Variants in SF3B1 observed in about 807,000 individuals in gnomAD.
The protein encoded by SF3B1 is splicing factor 3b subunit 1, also known as pre-mRNA processing 10.
Under a neutral mutation model 153.8 loss-of-function variants are expected in SF3B1, and 12 were observed. That is an observed-to-expected ratio of 0.08 (90% CI 0.05 to 0.13). The LOEUF (loss-of-function observed/expected upper bound fraction) is 0.13. Among genes scored for constraint, SF3B1 ranks in the 10% least tolerant of loss-of-function variants. The pLI is 1.00. For synonymous variants in SF3B1, 498 were observed against 525.2 expected, an observed-to-expected ratio of 0.95 and a Z score of 0.71; for missense variants, 513 against 1,606.1, an observed-to-expected ratio of 0.32 and a Z score of 11.63.
intron 9 of SF3B1, among the ~76,000 whole-genome samples, chr2:197,406,241 T>C (rs1574532565): frequency 1.3e-5 from 2 of 151,736 alleles, no homozygotes; most frequent in East Asian, 3.9e-4. Flanking sequence ...CCATCTCTAT[T>C]TTATATAATT....
chr2:197,410,102 G>A, intron 6 of SF3B1, 95 bp from the exon 7 acceptor site: 1 of 778,234 alleles, frequency 1.3e-6, no homozygotes, highest in Non-Finnish European at 2.1e-6. Flanking sequence ...AAATGTTTTA[G>A]TTCTATGCAC....
intron 8 of SF3B1, 56 bp downstream of exon 8, chr2:197,408,313 A>T: frequency 6.5e-7 from 1 of 1,540,716 alleles, no homozygotes; most frequent in East Asian, 2.2e-5. Context: ...CCACAAAGGA[A>T]AAAATTAAAT....
intron 22 of SF3B1, among the ~76,000 whole-genome samples, chr2:197,397,732 G>A (rs2084892796): frequency 6.6e-6 from 1 of 152,116 alleles, no homozygotes. Context: ...GGGAGGCGGT[G>A]GTTGCAGTGA....
At chr2:197,416,370 G>C (rs1020738001) in intron 6 of SF3B1, among the ~76,000 whole-genome samples, 2 of 152,118 alleles carry the variant, frequency 1.3e-5, no homozygotes, top group Non-Finnish European at 2.9e-5. Context: ...GTATGTTGAA[G>C]TCCTAACCCC....
At chr2:197,422,795 CAGG>C (rs1330039724) in intron 2 of SF3B1, among the ~76,000 whole-genome samples, 1 of 151,320 alleles carries the variant, frequency 6.6e-6, no homozygotes, top group Non-Finnish European at 1.5e-5. Context: ...GAGGCTGAGG[CAGG>C]AGAATGCTAT....
In SF3B1 at chr2:197,398,601, A is replaced by G. The variant is rs577587078; in HGVS notation, c.3014-20T>C. 2.1e-5 allele frequency: 33 copies of G among 1,607,422 alleles called. No individual in the cohort carries two copies. In the East Asian group the frequency reaches 6.7e-4, roughly 33 times the overall value. ...GCATACCTATTTAATAGAAGTCAAT[A>G]AACTATCAACATTTGAATTGCAACT... On this transcript the variant is annotated intron_variant, in intron 20 of 24. Transcript: ENST00000335508.
intron 22 of SF3B1, among the ~76,000 whole-genome samples, chr2:197,396,726 G>A (rs977722846): frequency 7.2e-5 from 11 of 152,138 alleles, no homozygotes; most frequent in Admixed American, 2.0e-4. Flanking sequence ...GGGAATATCC[G>A]AATTGTAGTC....
intron 1 of SF3B1, among the ~76,000 whole-genome samples, chr2:197,424,528 C>A (rs1368475040): frequency 6.6e-6 from 1 of 150,616 alleles, no homozygotes; most frequent in African/African-American, 2.4e-5. Context: ...AAAATATCAT[C>A]TAACAAACAT....
At chr2:197,414,979 T>C (rs976096744) in intron 6 of SF3B1, among the ~76,000 whole-genome samples, 1 of 151,832 alleles carries the variant, frequency 6.6e-6, no homozygotes, top group Admixed American at 6.6e-5. Context: ...ACTCCAACCT[T>C]GGCAACAGAA....
At position 197,390,589 on chromosome 2, in the gene SF3B1, C is replaced by G. The variant is rs957559358; in HGVS notation, c.*1714G>C. 2.7e-5 allele frequency: 4 copies of G among 150,340 alleles called. No individual in the cohort carries two copies. Among genetic ancestry groups the G allele is most frequent in the African/African-American group, 9.8e-5 (4 of 40,712 alleles). 9.3% of individuals were successfully genotyped at this position (150,340 alleles called of 1,614,324 possible). ...CCAACTTGGAAACCCTTAATGCTCA[C>G]TATCAATTTGTTGAAAGTCAATTTT... On this transcript the variant is annotated 3_prime_UTR_variant, in exon 25 of 25. Transcript: ENST00000335508.
At chr2:197,424,947 G>A (rs942897498) in intron 1 of SF3B1, among the ~76,000 whole-genome samples, 8 of 152,074 alleles carry the variant, frequency 5.3e-5, no homozygotes, top group African/African-American at 1.9e-4. Flanking sequence ...ATCACCTGAA[G>A]TCAGGCATTC....
chr2:197,398,268 A>G (rs567961936), intron 21 of SF3B1, 152 bp from the exon 22 acceptor site: 11 of 849,546 alleles, frequency 1.3e-5, no homozygotes, highest in Admixed American at 2.5e-5. Context: ...TTAGTCTTAC[A>G]GGTTTAGTCC....
chr2:197,408,347 A>G (rs745524197), intron 8 of SF3B1, 22 bp downstream of exon 8: 1 of 1,603,890 alleles, frequency 6.2e-7, no homozygotes, highest in Non-Finnish European at 8.5e-7. Context: ...AAAAACAATT[A>G]TGTCCAATGA....
chr2:197,422,452 C>T (rs1033560199), intron 2 of SF3B1, among the ~76,000 whole-genome samples: 4 of 151,764 alleles, frequency 2.6e-5, no homozygotes, highest in African/African-American at 7.3e-5. Context: ...ATATACCTAA[C>T]GTAAATGACA....
chr2:197,416,533 G>T, intron 6 of SF3B1: 1 of 482,526 alleles, frequency 2.1e-6, no homozygotes, highest in Non-Finnish European at 3.7e-6. Flanking sequence ...GCCATGTGAG[G>T]ACACAGCAAG....
At position 197,402,636 on chromosome 2, in the gene SF3B1, T is replaced by G. The variant is rs374250186; in HGVS notation, c.1997A>C (p.Lys666Thr). 12 of 1,613,934 alleles carry G rather than the reference T, an allele frequency of 7.4e-6. No individual in the cohort carries two copies. Among genetic ancestry groups the G allele is most frequent in the East Asian group, 4.5e-5 (2 of 44,898 alleles). ...AAGAATAGCTATCTGTTGTACAATC[T>G]TAATACCAGTGTGTCTCGCTTGCCA... ...KSWQARHTGIKIVQQIAILMG... is the reference protein window; with the variant it reads ...KSWQARHTGITIVQQIAILMG... The change falls in exon 14 of 25, where the codon AAG becomes ACG. Residue 666 changes from lysine to threonine, a missense_variant. Coordinates refer to ENST00000335508, the MANE Select transcript of SF3B1 (RefSeq NM_012433.4). The surrounding 1 kb of genome is among the most constrained non-coding windows in gnomAD (Gnocchi z 4.6).
intron 1 of SF3B1, among the ~76,000 whole-genome samples, chr2:197,429,253 C>G (rs1344237021): frequency 6.6e-6 from 1 of 152,142 alleles, no homozygotes; most frequent in African/African-American, 2.4e-5. Context: ...TCCTATTGGC[C>G]ACACAAAACT....
At chr2:197,415,116 CT>C (rs1025239470) in intron 6 of SF3B1, among the ~76,000 whole-genome samples, 2 of 149,352 alleles carry the variant, frequency 1.3e-5, no homozygotes, top group Admixed American at 6.8e-5. Context: ...TTTTTTGTTG[CT>C]GTTATTAAGA....
chr2:197,419,309 G>A (rs1002650650), intron 4 of SF3B1: 6 of 276,274 alleles, frequency 2.2e-5, no homozygotes, highest in Admixed American at 4.8e-5. Context: ...AAAGAGATGT[G>A]TCAGTCTCTT....
Sources: allele counts gnomAD v4.1 joint callset (sites outside exome capture counted in the v4.1 genomes callset), GRCh38; gene constraint gnomAD v4.1.1; non-coding constraint Gnocchi (gnomAD v3.1); transcripts MANE v1.5; gene names NCBI Gene and HGNC (gene_info 2026-07-23, HGNC 2026-07-21).